Variants in FAM110B observed in about 807,000 individuals in gnomAD.
The protein encoded by FAM110B is protein FAM110B.
FAM110B carries 6 observed loss-of-function variants against 20.4 expected under a neutral mutation model. That is an observed-to-expected ratio of 0.29 (90% confidence interval 0.16 to 0.58). The LOEUF is 0.58. Among genes scored for constraint, FAM110B ranks in the 20% least tolerant of loss-of-function variants. The pLI is 0.90. For missense variants in FAM110B, 434 were observed against 498.2 expected (o/e 0.87, Z 1.23); for synonymous variants, 226 against 214.1 (o/e 1.06, Z -0.49).
At position 58,059,761 on chromosome 8, in the gene FAM110B, TATTA is replaced by T. The variant is rs546098442; in HGVS notation, c.-413-15770_-413-15767del. On this transcript the variant is annotated intron_variant, in intron 2 of 3. Transcript: ENST00000519262. ...TTTTAATTTTTGTTAAAGAGCAGTT[TATTA>T]ATTCTTTCAAAACAGTTGATGTTTT... Among the ~76,000 whole-genome samples, 755 of 152,216 alleles carry T rather than the reference TATTA, an allele frequency of 5.0e-3. 2 individuals are homozygous for T. Among genetic ancestry groups the T allele is most frequent in the Middle Eastern group, 0.01 (3 of 294 alleles).
At chr8:58,144,055 C>T (rs541901294) in intron 3 of FAM110B, among the ~76,000 whole-genome samples, 19 of 152,344 alleles carry the variant, frequency 1.2e-4, no homozygotes, top group African/African-American at 4.1e-4. Flanking sequence ...CCAACTAACT[C>T]GTGCCCCAGG....
chr8:58,037,754 C>T (rs1417229406), intron 2 of FAM110B, among the ~76,000 whole-genome samples: 2 of 152,086 alleles, frequency 1.3e-5, no homozygotes, highest in Admixed American at 6.5e-5. Context: ...CATCTCTTTT[C>T]AGTGAGTACT....
At chr8:58,133,404 T>G (rs1397613888) in intron 3 of FAM110B, among the ~76,000 whole-genome samples, 2 of 152,196 alleles carry the variant, frequency 1.3e-5, no homozygotes, top group African/African-American at 4.8e-5. Context: ...CAGTATCTGC[T>G]GTTCTGGGCA....
At chr8:58,119,454 A>G (rs1011567984) in intron 3 of FAM110B, among the ~76,000 whole-genome samples, 7 of 152,082 alleles carry the variant, frequency 4.6e-5, no homozygotes, top group Non-Finnish European at 8.8e-5. Context: ...TGCCCTCATG[A>G]CCTAATCACC....
chr8:58,129,305 A>G (rs894659067), intron 3 of FAM110B, among the ~76,000 whole-genome samples: 50 of 152,208 alleles, frequency 3.3e-4, no homozygotes, highest in African/African-American at 1.2e-3. Flanking sequence ...TGGAGAATTA[A>G]CAAGGTGATT....
chr8:58,116,654 A>G (rs1459008236), intron 3 of FAM110B, among the ~76,000 whole-genome samples: 2 of 152,212 alleles, frequency 1.3e-5, no homozygotes, highest in Non-Finnish European at 2.9e-5. Flanking sequence ...TCTGTAACAC[A>G]TCTGTGGAAT....
At chr8:58,126,871 A>T (rs891289770) in intron 3 of FAM110B, among the ~76,000 whole-genome samples, 2 of 152,106 alleles carry the variant, frequency 1.3e-5, no homozygotes, top group African/African-American at 4.8e-5. Flanking sequence ...CTTTTAACAG[A>T]GCCCTTCACA....
intron 1 of FAM110B, among the ~76,000 whole-genome samples, chr8:58,012,315 A>G (rs1804554136): frequency 1.3e-5 from 2 of 151,716 alleles, no homozygotes; most frequent in African/African-American, 4.8e-5. Context: ...GTAGGGTTTA[A>G]GATAAAACTA....
intron 1 of FAM110B, among the ~76,000 whole-genome samples, chr8:58,009,541 A>G (rs189465059): frequency 2.7e-4 from 41 of 152,380 alleles, no homozygotes; most frequent in African/African-American, 9.6e-4. Flanking sequence ...TATATTAATT[A>G]CATGTTGAAA....
Position 58,042,924 on chromosome 8 carries a change from C to T in FAM110B, c.-414+11221C>T, listed in dbSNP as rs1318505583. Among the ~76,000 whole-genome samples the T allele has an allele frequency of 4.6e-5, 7 of 152,296 alleles. No homozygotes were observed. In the East Asian group the frequency reaches 1.2e-3, roughly 25 times the overall value. ...GCTCCCTCCAGCCTGGGAAACTTTG[C>T]GTGGTGCTTTCATCTTTGTAACACT... On this transcript the variant is annotated intron_variant, in intron 2 of 3. Transcript: ENST00000519262.
Position 58,006,901 on chromosome 8 carries a change from G to GTATATATATA in FAM110B, c.-512+12109_-512+12118dup, listed in dbSNP as rs761091750. 2.9e-3 allele frequency among the ~76,000 whole-genome samples: 281 copies of GTATATATATA among 97,528 alleles called. 5 individuals are homozygous for GTATATATATA. Among genetic ancestry groups the GTATATATATA allele is most frequent in the African/African-American group, 6.6e-3 (191 of 29,076 alleles). The allele number at this position is 97,528 out of a possible 152,430, so 64.0% of individuals were successfully genotyped here. A position where few individuals can be genotyped will look rare whatever the true frequency, so the allele number is the denominator to read the frequency against. ...TGAGCCACTGGGCCTGGCTTAATTG[G>GTATATATATA]TATATATATATATATATATATATTT... On this transcript the variant is annotated intron_variant, in intron 1 of 3. Transcript: ENST00000519262.
intron 3 of FAM110B, among the ~76,000 whole-genome samples, chr8:58,093,364 A>T (rs553447938): frequency 3.0e-4 from 45 of 152,260 alleles, no homozygotes; most frequent in African/African-American, 1.0e-3. Context: ...GTTTTCTTCT[A>T]GGGTTTTTAT....
At position 58,002,042 on chromosome 8, in the gene FAM110B, GAC is replaced by G. The variant is rs779429462; in HGVS notation, c.-512+7238_-512+7239del. ...AGAGAGAGAGAGAGAGAAAGAGAGAGACAGAGAGAGAGACAGAGAGAATTCAA... is the reference window on the plus strand; with the variant it reads ...AGAGAGAGAGAGAGAGAAAGAGAGAGAGAGAGAGAGACAGAGAGAATTCAA... On this transcript the variant is annotated intron_variant, in intron 1 of 3. Transcript: ENST00000519262. 5.8e-4 allele frequency among the ~76,000 whole-genome samples: 88 copies of G among 151,906 alleles called. 1 individual carries two copies. In the East Asian group the frequency reaches 0.013, roughly 23 times the overall value.
At chr8:58,090,451 G>A (rs867928920) in intron 3 of FAM110B, among the ~76,000 whole-genome samples, 1 of 152,194 alleles carries the variant, frequency 6.6e-6, no homozygotes, top group Non-Finnish European at 1.5e-5. Flanking sequence ...ATGAGCCACC[G>A]CACCAGCCTG....
intron 3 of FAM110B, among the ~76,000 whole-genome samples, chr8:58,128,329 G>T (rs913426131): frequency 7.9e-5 from 12 of 152,222 alleles, no homozygotes; most frequent in African/African-American, 2.9e-4. Flanking sequence ...GGCCTCCTAG[G>T]GGTCTTAGGG....
chr8:58,063,464 T>A (rs1409328674), intron 2 of FAM110B, among the ~76,000 whole-genome samples: 1 of 134,318 alleles, frequency 7.4e-6, no homozygotes, highest in African/African-American at 3.5e-5. Flanking sequence ...TGAGTCCTCA[T>A]ACATCATTTG....
At chr8:58,037,571 G>A (rs573192916) in intron 2 of FAM110B, among the ~76,000 whole-genome samples, 1 of 152,054 alleles carries the variant, frequency 6.6e-6, no homozygotes, top group African/African-American at 2.4e-5. Flanking sequence ...CCCAGGAGTT[G>A]GAGGCTGCAG....
chr8:58,074,401 G>A (rs1022165114), intron 2 of FAM110B, among the ~76,000 whole-genome samples: 6 of 152,090 alleles, frequency 3.9e-5, no homozygotes, highest in South Asian at 2.1e-4. Flanking sequence ...TTTGCACAGC[G>A]CGGAGAATGG....
chr8:58,016,132 G>A (rs1804632543), intron 1 of FAM110B, among the ~76,000 whole-genome samples: 1 of 152,136 alleles, frequency 6.6e-6, no homozygotes, highest in Non-Finnish European at 1.5e-5. Context: ...TGGCCAGAGG[G>A]AACTGGAACA....
Sources: allele counts gnomAD v4.1 joint callset (sites outside exome capture counted in the v4.1 genomes callset), GRCh38; gene constraint gnomAD v4.1.1; transcripts MANE v1.5; gene names NCBI Gene and HGNC (gene_info 2026-07-23, HGNC 2026-07-21).